Variants in OXNAD1 observed in about 807,000 individuals in gnomAD.
OXNAD1 encodes the protein oxidoreductase NAD-binding domain-containing protein 1.
OXNAD1 carries 34 observed loss-of-function variants against 32.9 expected under a neutral mutation model. The observed-to-expected ratio is 1.03, with a 90% CI of 0.79 to 1.38. The LOEUF is 1.38. Ranked by LOEUF, OXNAD1 falls within the 40% of genes most tolerant of loss-of-function variation. The pLI, the probability that OXNAD1 is intolerant of heterozygous loss-of-function variation, is 0.00. For synonymous variants in OXNAD1, 134 were observed against 135.2 expected, an observed-to-expected ratio of 0.99 and a Z score of 0.06; for missense variants, 407 against 379.4, an observed-to-expected ratio of 1.07 and a Z score of -0.60.
chr3:16,330,177 G>A (rs1286799112), intron 9 of OXNAD1, among the ~76,000 whole-genome samples: 4 of 152,166 alleles, frequency 2.6e-5, no homozygotes, highest in Non-Finnish European at 4.4e-5. Context: ...TCAATCTCAC[G>A]TGTTAATTTC....
chr3:16,328,347 C>A (rs2069944602), intron 9 of OXNAD1, among the ~76,000 whole-genome samples: 1 of 152,244 alleles, frequency 6.6e-6, no homozygotes, highest in Non-Finnish European at 1.5e-5. Flanking sequence ...CAGAAGGTGG[C>A]CACGTGTGGT....
At chr3:16,296,966 A>T (rs905050846) in intron 6 of OXNAD1, among the ~76,000 whole-genome samples, 3 of 152,188 alleles carry the variant, frequency 2.0e-5, no homozygotes, top group Non-Finnish European at 4.4e-5. Flanking sequence ...CAAAAGCAAG[A>T]TCCATCAAAA....
At chr3:16,279,264 A>C (rs1361185521) in intron 4 of OXNAD1, among the ~76,000 whole-genome samples, 4 of 151,290 alleles carry the variant, frequency 2.6e-5, no homozygotes, top group African/African-American at 9.7e-5. Flanking sequence ...TCTTAGAAAA[A>C]CTCCCAAGGA....
chr3:16,339,347 C>G (rs1328102378), downstream of OXNAD1: 2 of 152,278 alleles, frequency 1.3e-5, no homozygotes, highest in Non-Finnish European at 2.9e-5. Context: ...AATCCCACAG[C>G]ATGCTCTTTG....
rs1250893541 is a variant in OXNAD1, at chr3:16,329,723, G to A, written c.*31-7389G>A. Among the ~76,000 whole-genome samples the A allele has an allele frequency of 6.6e-6, 1 of 152,130 alleles. No individual in the cohort carries two copies. The highest frequency in any genetic ancestry group is 1.5e-5 in the Non-Finnish European group (1 of 68,028). On this transcript the variant is annotated intron_variant, in intron 9 of 9. Transcript: ENST00000435829. This position sits in a 1 kb window ranked among gnomAD's most constrained non-coding sequence, Gnocchi z 4.5. ...TTAAATCCACACTCTCAAGCTTTGC[G>A]AGGTTATGATTACTTGGGCCTATCA...
chr3:16,286,489 A>G, intron 5 of OXNAD1, 41 bp downstream of exon 5: 2 of 1,494,366 alleles, frequency 1.3e-6, no homozygotes, highest in Non-Finnish European at 1.9e-6. Flanking sequence ...ATGTTCAAGA[A>G]GGTGCCATCA....
At chr3:16,325,330 G>T (rs548139580) in intron 9 of OXNAD1, among the ~76,000 whole-genome samples, 3 of 152,192 alleles carry the variant, frequency 2.0e-5, no homozygotes, top group Non-Finnish European at 4.4e-5. Flanking sequence ...CCATTCCACC[G>T]TAAGTGGTCA....
At position 16,320,498 on chromosome 3, in the gene OXNAD1, G is replaced by A. The variant is rs2068926681; in HGVS notation, c.*31-16614G>A. ...ACTAAAATCTGGGTACACAACACAG[G>A]AAAAAGGTCTTTGCTCTTGTGGAGA... On this transcript the variant is annotated intron_variant, in intron 9 of 9. Transcript: ENST00000435829. The surrounding 1 kb of genome is among the most constrained non-coding windows in gnomAD (Gnocchi z 4.5). 6.6e-6 allele frequency among the ~76,000 whole-genome samples: 1 copy of A among 152,192 alleles called. No individual in the cohort carries two copies. The highest frequency in any genetic ancestry group is 2.4e-5 in the African/African-American group (1 of 41,438).
chr3:16,340,927 C>T (rs1476290779), downstream of OXNAD1, among the ~76,000 whole-genome samples: 1 of 152,042 alleles, frequency 6.6e-6, no homozygotes, highest in Admixed American at 6.6e-5. Flanking sequence ...GACTTTTATC[C>T]AAAATATACA....
chr3:16,324,613 A>AAC (rs1553718056), intron 9 of OXNAD1, among the ~76,000 whole-genome samples: 3 of 90,800 alleles, frequency 3.3e-5, no homozygotes, highest in African/African-American at 4.5e-5. Flanking sequence ...AATGTCCCTG[A>AAC]CCCCCCCCCT....
downstream of OXNAD1, among the ~76,000 whole-genome samples, chr3:16,307,172 G>A (rs2125112829): frequency 6.6e-6 from 1 of 152,234 alleles, no homozygotes; most frequent in African/African-American, 2.4e-5. Flanking sequence ...ACCTTTAGAC[G>A]ACCAGTGAGA....
Position 16,294,734 on chromosome 3 carries a change from C to T in OXNAD1, c.291-122C>T, listed in dbSNP as rs572572751. Reference sequence around the variant, plus strand: ...TCTATAAGCTTTGTGATGATATCTCCTCTTTTATTCTTGATTTTAGTAATT... The same window carrying T: ...TCTATAAGCTTTGTGATGATATCTCTTCTTTTATTCTTGATTTTAGTAATT... On this transcript the variant is annotated intron_variant, in intron 5 of 8. Coordinates refer to ENST00000285083, the MANE Select transcript of OXNAD1 (RefSeq NM_138381.5). 17 of 929,338 alleles carry T rather than the reference C, an allele frequency of 1.8e-5. No homozygotes were observed. In the East Asian group the frequency reaches 3.7e-4, roughly 20 times the overall value. The allele number at this position is 929,338 out of a possible 1,614,324, so 57.6% of individuals were successfully genotyped here.
rs2066170606 is a variant in OXNAD1, at chr3:16,287,763, T to C, written c.290+1315T>C. Among the ~76,000 whole-genome samples, 1 of 152,198 alleles carries C rather than the reference T, an allele frequency of 6.6e-6. No homozygotes were observed. The highest frequency in any genetic ancestry group is 2.4e-5 in the African/African-American group (1 of 41,448). On this transcript the variant is annotated intron_variant, in intron 5 of 8. Transcript: ENST00000285083. The surrounding 1 kb of genome is among the most constrained non-coding windows in gnomAD (Gnocchi z 4.8). ...GTGTAATGCACTTGCTAACCTCAGT[T>C]ACCTGATAAGAAAATGTCCTCATTC...
chr3:16,267,995 AT>A (rs956545275), intron 1 of OXNAD1, among the ~76,000 whole-genome samples: 14 of 152,194 alleles, frequency 9.2e-5, no homozygotes, highest in Non-Finnish European at 1.6e-4. Flanking sequence ...AATAAAGTTA[AT>A]TAAGATTTTT....
intron 9 of OXNAD1, among the ~76,000 whole-genome samples, chr3:16,333,733 A>T (rs921112774): frequency 6.6e-6 from 1 of 152,230 alleles, no homozygotes; most frequent in Non-Finnish European, 1.5e-5. Flanking sequence ...ACAGAAAAAA[A>T]AGGGCTTGTA....
rs2066669305 is a variant in OXNAD1 at position 16,294,909 on chromosome 3, C to G, written c.344C>G (p.Ser115Cys). Reference sequence around the variant, plus strand: ...GTGGTTGGTGGGTTTTCAATATGCTCCAGTCCCAGACTGCTAGAACAAGAG... The same window carrying G: ...GTGGTTGGTGGGTTTTCAATATGCTGCAGTCCCAGACTGCTAGAACAAGAG... ...VSVVGGFSICSSPRLLEQERV... is the reference protein window; with the variant it reads ...VSVVGGFSICCSPRLLEQERV... Residue 115 changes from serine (S) to cysteine (C), a missense_variant, in exon 6 of 9, where the codon TCC becomes TGC. Transcript: ENST00000285083. The G allele has an allele frequency of 6.2e-7, 1 of 1,613,312 alleles. No individual in the cohort carries two copies. Among genetic ancestry groups the G allele is most frequent in the Non-Finnish European group, 8.5e-7 (1 of 1,179,594 alleles).
intron 9 of OXNAD1, chr3:16,323,445 T>C (rs1342952048): frequency 6.2e-7 from 1 of 1,612,340 alleles, no homozygotes; most frequent in East Asian, 2.2e-5. Flanking sequence ...GCTTGGTGGA[T>C]ACACTCCCCT....
chr3:16,276,412 C>A, intron 4 of OXNAD1: 1 of 200,980 alleles, frequency 5.0e-6, no homozygotes, highest in Non-Finnish European at 1.0e-5. Flanking sequence ...TGGAACTGTA[C>A]TTTGTTTTAA....
intron 4 of OXNAD1, chr3:16,276,506 A>C (rs952059564): frequency 6.6e-6 from 1 of 150,616 alleles, no homozygotes; most frequent in African/African-American, 2.9e-5. Context: ...GAAACCCATC[A>C]ATCTTGCTAT....
Sources: allele counts gnomAD v4.1 joint callset (sites outside exome capture counted in the v4.1 genomes callset), GRCh38; gene constraint gnomAD v4.1.1; non-coding constraint Gnocchi (gnomAD v3.1); transcripts MANE v1.5; gene names NCBI Gene and HGNC (gene_info 2026-07-23, HGNC 2026-07-21).